C7orf78: variants seen among roughly 807,000 people sequenced by gnomAD.
The protein encoded by C7orf78 is putative uncharacterized protein C7orf78.
At chr7:12,488,928 G>GTT in the C7orf78 span, among the ~76,000 whole-genome samples, 1 of 134,030 alleles carries the variant, frequency 7.5e-6, no homozygotes, top group Non-Finnish European at 1.6e-5. Flanking sequence ...TTTTTTTTTG[G>GTT]TTTTTTGCTT....
chr7:12,534,409 A>C, the C7orf78 span, among the ~76,000 whole-genome samples: 1 of 152,198 alleles, frequency 6.6e-6, no homozygotes, highest in Non-Finnish European at 1.5e-5. Flanking sequence ...TTTCTGCAAT[A>C]CATTTGGAGA....
chr7:12,518,881 T>C, the C7orf78 span, among the ~76,000 whole-genome samples: 1 of 152,270 alleles, frequency 6.6e-6, no homozygotes, highest in East Asian at 1.9e-4. Context: ...CAAGCAGCTC[T>C]CAGGCTCTGG....
the C7orf78 span, among the ~76,000 whole-genome samples, chr7:12,506,443 A>G: frequency 1.6e-4 from 25 of 152,334 alleles, no homozygotes; most frequent in East Asian, 4.0e-3. Flanking sequence ...CATATACACC[A>G]TGAAATACTA....
At chr7:12,503,094 T>A in the C7orf78 span, among the ~76,000 whole-genome samples, 5 of 116,172 alleles carry the variant, frequency 4.3e-5, no homozygotes, top group Non-Finnish European at 7.1e-5. Flanking sequence ...GGGGTGGGGG[T>A]AGGGGGGAGG....
the C7orf78 span, among the ~76,000 whole-genome samples, chr7:12,487,750 A>AAAT: frequency 7.9e-5 from 12 of 152,054 alleles, no homozygotes; most frequent in Non-Finnish European, 2.9e-5. Context: ...TTTCAACTGA[A>AAAT]AATATGAAAA....
chr7:12,505,871 T>C, the C7orf78 span: 2 of 152,208 alleles, frequency 1.3e-5, no homozygotes, highest in Admixed American at 1.3e-4. Context: ...GTGATTTATA[T>C]ACAATAGAAG....
At chr7:12,488,642 A>G in the C7orf78 span, among the ~76,000 whole-genome samples, 3 of 152,046 alleles carry the variant, frequency 2.0e-5, no homozygotes, top group Non-Finnish European at 4.4e-5. Context: ...TGAATGTGAC[A>G]AAGGCAGAGT....
the C7orf78 span, chr7:12,541,872 C>T: frequency 6.6e-6 from 1 of 152,184 alleles, no homozygotes; most frequent in East Asian, 1.9e-4. Context: ...GAGAAGATCT[C>T]CAAGTAACAG....
At chr7:12,528,632 C>T in the C7orf78 span, among the ~76,000 whole-genome samples, 1 of 152,146 alleles carries the variant, frequency 6.6e-6, no homozygotes, top group African/African-American at 2.4e-5. Context: ...AGGTAGAGTG[C>T]AAAATATACC....
At chr7:12,513,616 A>C in the C7orf78 span, among the ~76,000 whole-genome samples, 2 of 152,176 alleles carry the variant, frequency 1.3e-5, no homozygotes, top group African/African-American at 4.8e-5. Context: ...AAAATACTTA[A>C]TATAACTTCA....
At chr7:12,492,143 G>C in the C7orf78 span, 48 of 152,222 alleles carry the variant, frequency 3.2e-4, no homozygotes, top group African/African-American at 1.2e-3. Flanking sequence ...CACTAATTTT[G>C]ATGTTGGATG....
At chr7:12,521,676 T>C in the C7orf78 span, among the ~76,000 whole-genome samples, 1 of 150,306 alleles carries the variant, frequency 6.7e-6, no homozygotes, top group Non-Finnish European at 1.5e-5. Flanking sequence ...AGCTTTCATT[T>C]TTTATTTTGA....
the C7orf78 span, among the ~76,000 whole-genome samples, chr7:12,506,575 C>T: frequency 1.3e-5 from 2 of 151,986 alleles, no homozygotes; most frequent in South Asian, 2.1e-4. Flanking sequence ...CTCACTCATA[C>T]GTGGGAGTTC....
At chr7:12,514,361 T>C in the C7orf78 span, among the ~76,000 whole-genome samples, 3 of 152,138 alleles carry the variant, frequency 2.0e-5, no homozygotes, top group African/African-American at 7.2e-5. Context: ...CTGATATAAG[T>C]ACAGCTACTC....
the C7orf78 span, chr7:12,523,553 T>A: frequency 2.5e-6 from 1 of 394,016 alleles, no homozygotes. Context: ...ATAATGTGTA[T>A]AATGCTGCCT....
At chr7:12,496,079 C>T in the C7orf78 span, among the ~76,000 whole-genome samples, 4 of 152,110 alleles carry the variant, frequency 2.6e-5, no homozygotes, top group African/African-American at 9.7e-5. Context: ...GTGCCCGCCA[C>T]CACACCTGGC....
At chr7:12,496,635 T>A in the C7orf78 span, 1 of 152,202 alleles carries the variant, frequency 6.6e-6, no homozygotes, top group Non-Finnish European at 1.5e-5. Flanking sequence ...GATGTATTCT[T>A]ATAGGTTTGT....
chr7:12,517,104 T>G, the C7orf78 span, among the ~76,000 whole-genome samples: 2 of 152,114 alleles, frequency 1.3e-5, no homozygotes, highest in East Asian at 1.9e-4. Flanking sequence ...CATCTTGAAT[T>G]GTACTCCCAT....
chr7:12,486,133 T>C, the C7orf78 span, among the ~76,000 whole-genome samples: 1 of 152,092 alleles, frequency 6.6e-6, no homozygotes, highest in African/African-American at 2.4e-5. Context: ...AAGTGGCCTA[T>C]ACAAGTTCAG....
Sources: gnomAD v4.1 joint callset for allele counts (sites outside exome capture counted in the v4.1 genomes callset) on GRCh38, gnomAD v4.1.1 for gene constraint, MANE v1.5 for transcripts, NCBI Gene and HGNC (gene_info 2026-07-23, HGNC 2026-07-21) for gene names.